The following C6orf52 variants were observed in gnomAD, a reference collection of about 807,000 sequenced individuals.
C6orf52 encodes the protein chromosome 6 open reading frame 52.
A neutral mutation model predicts 16.6 loss-of-function variants in C6orf52; 16 were observed. The observed-to-expected ratio is 0.96, with a 90% CI of 0.65 to 1.46. C6orf52 has a LOEUF of 1.46. Ranked by LOEUF, C6orf52 falls within the 40% of genes most tolerant of loss-of-function variation. The pLI is 0.00. For missense variants in C6orf52, 166 were observed against 182.3 expected, an observed-to-expected ratio of 0.91 and a Z score of 0.52; for synonymous variants, 53 against 61.4, an observed-to-expected ratio of 0.86 and a Z score of 0.64.
Position 10,687,044 on chromosome 6 carries a change from T to G in C6orf52, c.192A>C (p.Ala64=). The stretch of plus-strand genomic sequence containing the variant: ...AACAGTCCTTTCCATTTCCATCCAC[T>G]GCACAGCCATAGCTGTAGCCAGAAA... ...YLLSGYSYGC[A]VDGNGKDCFS... is the part of the protein sequence containing the mutation. The change falls in exon 3 of 5, where the codon GCA becomes GCC. Residue 64 remains alanine, a synonymous_variant. Coordinates refer to ENST00000259983, the MANE Select transcript of C6orf52 (RefSeq NM_001145020.3). 6.4e-7 allele frequency: 1 copy of G among 1,551,710 alleles called. No individual in the cohort carries two copies. Among genetic ancestry groups the G allele is most frequent in the Non-Finnish European group, 8.7e-7 (1 of 1,146,912 alleles).
At chr6:10,677,530 T>G (rs2127462235) in intron 4 of C6orf52, among the ~76,000 whole-genome samples, 1 of 151,228 alleles carries the variant, frequency 6.6e-6, no homozygotes, top group Admixed American at 6.6e-5. Flanking sequence ...TAGTATCATT[T>G]TTTTCTTTTT....
At chr6:10,688,209 T>A (rs183047564) in intron 1 of C6orf52, among the ~76,000 whole-genome samples, 2,432 of 151,474 alleles carry the variant, frequency 0.016, 62 homozygotes, top group African/African-American at 0.054. Flanking sequence ...GTTTTTTTTT[T>A]TAAAAAAAGC....
chr6:10,683,368 A>T (rs1450582263), intron 3 of C6orf52, 136 bp from the exon 4 acceptor site: 1 of 555,152 alleles, frequency 1.8e-6, no homozygotes, highest in African/African-American at 2.0e-5. Context: ...AATCTCTTTA[A>T]ATCAACTTTT....
At chr6:10,673,736 T>C in intron 4 of C6orf52, among the ~76,000 whole-genome samples, 1 of 152,174 alleles carries the variant, frequency 6.6e-6, no homozygotes, top group East Asian at 1.9e-4. Flanking sequence ...AGATGGTAAA[T>C]TTTATGTTAT....
chr6:10,682,586 G>C (rs1220463198), intron 4 of C6orf52, among the ~76,000 whole-genome samples: 1 of 152,118 alleles, frequency 6.6e-6, no homozygotes, highest in Non-Finnish European at 1.5e-5. Context: ...ACAAACATGT[G>C]ATAAGACAGA....
intron 4 of C6orf52, 48 bp downstream of exon 4, chr6:10,683,138 AG>A (rs1468712574): frequency 7.9e-7 from 1 of 1,266,540 alleles, no homozygotes. Context: ...ATGAGAAACC[AG>A]GAAATGGGGT....
chr6:10,691,529 G>C (rs537782378), intron 1 of C6orf52, among the ~76,000 whole-genome samples: 11 of 152,022 alleles, frequency 7.2e-5, no homozygotes, highest in African/African-American at 2.2e-4. Flanking sequence ...GTCAGGGGTC[G>C]ATCTTTACCA....
chr6:10,694,778 T>A (rs957350793), upstream of C6orf52: 1 of 530,678 alleles, frequency 1.9e-6, no homozygotes, highest in Non-Finnish European at 3.4e-6. Context: ...CATCTTTACT[T>A]ATTCTCTTCT....
intron 1 of C6orf52, among the ~76,000 whole-genome samples, chr6:10,688,004 ACTATTGG>A (rs1769002121): frequency 6.6e-6 from 1 of 152,290 alleles, no homozygotes; most frequent in African/African-American, 2.4e-5. Flanking sequence ...GCTGAGAATA[ACTATTGG>A]AACTAGCACC....
At position 10,687,668 on chromosome 6, in the gene C6orf52, G is replaced by T. The variant is rs980795533; in HGVS notation, c.-11-107C>A. The T allele has an allele frequency of 1.6e-5, 11 of 698,818 alleles. No individual in the cohort carries two copies. The African/African-American group carries it at 1.6e-4, about 10-fold the overall frequency. 43.3% of individuals were successfully genotyped at this position (698,818 alleles called of 1,614,324 possible). A position where few individuals can be genotyped will look rare whatever the true frequency, so the allele number is the denominator to read the frequency against. On this transcript the variant is annotated intron_variant, in intron 1 of 4. Transcript: ENST00000259983. ...AAATAAGTCTCGCAACTACATCTGA[G>T]ATAATTACATTTAGTGGCAATTCCT...
Position 10,671,475 on chromosome 6 carries a change from G to A in C6orf52, c.440C>T (p.Pro147Leu). The change falls in exon 5 of 5, where the codon CCA becomes CTA. Residue 147 changes from proline (P) to leucine (L), a missense_variant. Physicochemically the swap from Pro to Leu is moderately conservative, Grantham distance 98. Coordinates refer to ENST00000259983, the MANE Select transcript of C6orf52 (RefSeq NM_001145020.3). ...QPLDTVHSEIPDETPK is the reference protein window; with the variant it reads ...QPLDTVHSEILDETPK ...CTTGCTTCACTTCGGGGTCTCATCT[G>A]GGATTTCGGAGTGAACTGTGTCCAG... 3 of 1,546,110 alleles carry A rather than the reference G, an allele frequency of 1.9e-6. No individual in the cohort carries two copies. The highest frequency in any genetic ancestry group is 2.4e-5 in the South Asian group (2 of 82,564).
Position 10,684,438 on chromosome 6 carries a change from G to A in C6orf52, c.271-1206C>T, listed in dbSNP as rs1581553073. On this transcript the variant is annotated intron_variant, in intron 3 of 4. Coordinates refer to ENST00000259983, the MANE Select transcript of C6orf52 (RefSeq NM_001145020.3). ...TTTCCTCCTTTCAGTGTGTGTTCTG[G>A]TAAATGTGGATGCTAAATAACCAGG... is the stretch of plus-strand genomic sequence containing the variant. Among the ~76,000 whole-genome samples the A allele has an allele frequency of 2.0e-5, 3 of 152,308 alleles. No homozygotes were observed. In the Middle Eastern group the frequency reaches 0.01, roughly 518 times the overall value.
At chr6:10,686,654 T>G (rs1284676267) in intron 3 of C6orf52, among the ~76,000 whole-genome samples, 1 of 152,218 alleles carries the variant, frequency 6.6e-6, no homozygotes, top group African/African-American at 2.4e-5. Context: ...AAGACTTCAT[T>G]AGCTTTTTGT....
In C6orf52 at chr6:10,686,973, A is replaced by G. The variant is rs1266127932; in HGVS notation, c.263T>C (p.Met88Thr). The change falls in exon 3 of 5, where the codon ATG becomes ACG. Residue 88 changes from methionine (M) to threonine (T), a missense_variant. Coordinates refer to ENST00000259983, the MANE Select transcript of C6orf52 (RefSeq NM_001145020.3). ...TPEHTAGTLV[M>T]PKETTPLAEN... is the part of the protein sequence containing the mutation. ...CATTCTAGCAAGGGATACCTTAGGC[A>G]TAACCAGAGTTCCAGCTGTGTGTTC... The G allele has an allele frequency of 1.3e-6, 2 of 1,546,510 alleles. No individual in the cohort carries two copies. Among genetic ancestry groups the G allele is most frequent in the Admixed American group, 2.0e-5 (1 of 49,998 alleles).
At chr6:10,692,325 CTCTAA>C (rs1467609771) in intron 1 of C6orf52, among the ~76,000 whole-genome samples, 2 of 152,194 alleles carry the variant, frequency 1.3e-5, no homozygotes, top group Non-Finnish European at 2.9e-5. Context: ...CTTCACACTC[CTCTAA>C]TCTTAGTGGT....
At chr6:10,686,849 C>T in intron 3 of C6orf52, 117 bp downstream of exon 3, 1 of 751,544 alleles carries the variant, frequency 1.3e-6, no homozygotes, top group Non-Finnish European at 2.1e-6. Context: ...AAACAGGTAG[C>T]AAAAGCCATG....
At chr6:10,692,087 G>T (rs1389256189) in intron 1 of C6orf52, among the ~76,000 whole-genome samples, 1 of 152,112 alleles carries the variant, frequency 6.6e-6, no homozygotes, top group African/African-American at 2.4e-5. Context: ...TGTCCCTGGG[G>T]TAAGGAGACA....
chr6:10,683,754 C>T (rs1768610441), intron 3 of C6orf52, among the ~76,000 whole-genome samples: 2 of 152,222 alleles, frequency 1.3e-5, no homozygotes, highest in African/African-American at 4.8e-5. Context: ...GCAAAGCAAA[C>T]CAATCATATC....
At chr6:10,678,043 T>C (rs1768046279) in intron 4 of C6orf52, among the ~76,000 whole-genome samples, 1 of 151,766 alleles carries the variant, frequency 6.6e-6, no homozygotes, top group South Asian at 2.1e-4. Context: ...CTGGGTGTGG[T>C]AATTCCAATC....
Sources: allele counts gnomAD v4.1 joint callset (sites outside exome capture counted in the v4.1 genomes callset), GRCh38; gene constraint gnomAD v4.1.1; transcripts MANE v1.5; gene names NCBI Gene and HGNC (gene_info 2026-07-23, HGNC 2026-07-21).